Variants in ULK4 observed in about 807,000 individuals in gnomAD.
The protein encoded by ULK4 is inactive serine/threonine-protein kinase ULK4.
A neutral mutation model predicts 160.6 loss-of-function variants in ULK4; 133 were observed. The observed-to-expected ratio is 0.83, with a 90% confidence interval of 0.72 to 0.96. The LOEUF (loss-of-function observed/expected upper bound fraction) is 0.96. Among genes scored for constraint, ULK4 ranks in the 40% least tolerant of loss-of-function variants. The pLI, the probability that ULK4 is intolerant of heterozygous loss-of-function variation, is 0.00. For missense variants in ULK4, 1,580 were observed against 1,499.5 expected (o/e 1.05, Z -0.89); for synonymous variants, 534 against 539.8 (o/e 0.99, Z 0.15).
intron 17 of ULK4, among the ~76,000 whole-genome samples, chr3:41,862,990 G>A (rs2042538727): frequency 6.6e-6 from 1 of 151,694 alleles, no homozygotes; most frequent in Non-Finnish European, 1.5e-5. Flanking sequence ...CCCTAGGGCT[G>A]TACAATCAGC....
At chr3:41,956,466 A>G (rs1700489577) in intron 1 of ULK4, among the ~76,000 whole-genome samples, 1 of 152,080 alleles carries the variant, frequency 6.6e-6, no homozygotes, top group Non-Finnish European at 1.5e-5. Context: ...TGTGCTGGGC[A>G]TTTTGTCCAG....
intron 21 of ULK4, among the ~76,000 whole-genome samples, chr3:41,760,897 CA>C (rs56349363): frequency 0.18 from 27,404 of 152,130 alleles, 2,530 homozygotes; most frequent in Middle Eastern, 0.32. Flanking sequence ...GGTACATCCA[CA>C]TAATGAAACA....
intron 32 of ULK4, among the ~76,000 whole-genome samples, chr3:41,509,131 A>G (rs1187689939): frequency 6.6e-6 from 1 of 152,150 alleles, no homozygotes; most frequent in Non-Finnish European, 1.5e-5. Flanking sequence ...ATAAAAAACA[A>G]TCGCAACTTC....
At chr3:41,697,992 A>G (rs2036556379) in intron 27 of ULK4, among the ~76,000 whole-genome samples, 1 of 152,164 alleles carries the variant, frequency 6.6e-6, no homozygotes, top group Non-Finnish European at 1.5e-5. Flanking sequence ...TATTTTCACC[A>G]CATCTTTTAT....
At chr3:41,478,966 A>G (rs952372664) in intron 32 of ULK4, among the ~76,000 whole-genome samples, 12 of 152,368 alleles carry the variant, frequency 7.9e-5, no homozygotes, top group Non-Finnish European at 1.6e-4. Context: ...ATATATTCCA[A>G]TGCCCAGGAA....
At chr3:41,289,045 G>A (rs961667081) in intron 35 of ULK4, among the ~76,000 whole-genome samples, 1 of 152,148 alleles carries the variant, frequency 6.6e-6, no homozygotes, top group Non-Finnish European at 1.5e-5. Flanking sequence ...CACGGGGAGC[G>A]GCAGAGCAGC....
intron 1 of ULK4, among the ~76,000 whole-genome samples, chr3:41,960,060 A>T (rs774605494): frequency 3.3e-5 from 5 of 151,046 alleles, no homozygotes; most frequent in African/African-American, 4.9e-5. Flanking sequence ...TTTTTTTTTA[A>T]AGGAGGCTAG....
intron 32 of ULK4, among the ~76,000 whole-genome samples, chr3:41,551,097 A>G (rs1371599524): frequency 1.3e-4 from 20 of 151,326 alleles, no homozygotes; most frequent in Non-Finnish European, 1.5e-5. Flanking sequence ...ATGATAATTG[A>G]AATACAACAC....
chr3:41,484,598 GCC>G (rs1559638321), intron 32 of ULK4, among the ~76,000 whole-genome samples: 74 of 151,890 alleles, frequency 4.9e-4, no homozygotes, highest in African/African-American at 1.7e-3. Flanking sequence ...GACTACAGGC[GCC>G]CGCCACCACA....
chr3:41,506,775 T>TATATATAA (rs1559658148), intron 32 of ULK4, among the ~76,000 whole-genome samples: 5 of 17,622 alleles, frequency 2.8e-4, no homozygotes, highest in African/African-American at 5.6e-4. Flanking sequence ...AAAATATATA[T>TATATATAA]ATATATATAT....
In ULK4 at chr3:41,369,905, G is replaced by GA. The variant is rs368423960; in HGVS notation, c.3678+28173dup. Among the ~76,000 whole-genome samples the GA allele has an allele frequency of 8.1e-3, 1,175 of 144,656 alleles. 12 individuals are homozygous for GA. The highest frequency in any genetic ancestry group is 0.026 in the African/African-American group (1,043 of 40,000). The allele number at this position is 144,656 out of a possible 152,430, so 94.9% of individuals were successfully genotyped here. A position where few individuals can be genotyped will look rare whatever the true frequency, so the allele number is the denominator to read the frequency against. ...AAAACCTGCCCAGGCCAGGAAAAAAGAAAAAAAAAATCTATTTTGCCACCC... is the reference window on the plus strand; with the variant it reads ...AAAACCTGCCCAGGCCAGGAAAAAAGAAAAAAAAAAATCTATTTTGCCACCC... On this transcript the variant is annotated intron_variant, in intron 35 of 36. Transcript: ENST00000301831.
At chr3:41,643,671 G>A (rs1332590752) in intron 30 of ULK4, among the ~76,000 whole-genome samples, 2 of 152,036 alleles carry the variant, frequency 1.3e-5, no homozygotes, top group African/African-American at 4.8e-5. Flanking sequence ...ACTCGGTGAT[G>A]CAGGCTCTTT....
At chr3:41,602,251 A>AAAAGG (rs56277936) in intron 31 of ULK4, among the ~76,000 whole-genome samples, 7,344 of 86,528 alleles carry the variant, frequency 0.085, 499 homozygotes, top group Middle Eastern at 0.1. Context: ...AAGGAAGAGA[A>AAAAGG]AAAGGAAAGG....
intron 31 of ULK4, among the ~76,000 whole-genome samples, chr3:41,580,230 G>A (rs2030180908): frequency 6.6e-6 from 1 of 152,102 alleles, no homozygotes; most frequent in African/African-American, 2.4e-5. Flanking sequence ...CACAGAGGGG[G>A]TGCTGGTCTT....
chr3:41,883,314 C>T (rs1697589829), intron 17 of ULK4, among the ~76,000 whole-genome samples: 1 of 152,186 alleles, frequency 6.6e-6, no homozygotes, highest in Non-Finnish European at 1.5e-5. Flanking sequence ...ACAAAATCCC[C>T]TCTCCTTACC....
intron 4 of ULK4, among the ~76,000 whole-genome samples, chr3:41,935,239 T>TAA (rs1699734689): frequency 7.3e-5 from 6 of 82,582 alleles, no homozygotes; most frequent in African/African-American, 2.0e-4. Flanking sequence ...TTTTTTTTTT[T>TAA]TTTTTTGAGA....
intron 34 of ULK4, among the ~76,000 whole-genome samples, chr3:41,450,631 G>A (rs1049108835): frequency 1.1e-4 from 17 of 152,198 alleles, no homozygotes; most frequent in Non-Finnish European, 1.9e-4. Context: ...AACTGAAAGT[G>A]TGTTTATTTT....
chr3:41,846,742 T>A (rs1470572866), intron 17 of ULK4, among the ~76,000 whole-genome samples: 2 of 149,038 alleles, frequency 1.3e-5, no homozygotes, highest in Non-Finnish European at 3.0e-5. Context: ...GAGGGAGAGG[T>A]TGCAGCAAGC....
chr3:41,323,733 CAGACA>C, intron 35 of ULK4, among the ~76,000 whole-genome samples: 1 of 152,132 alleles, frequency 6.6e-6, no homozygotes, highest in African/African-American at 2.4e-5. Context: ...GAGTAAAAAG[CAGACA>C]CAGTGTAAGG....
Sources: allele counts gnomAD v4.1 joint callset (sites outside exome capture counted in the v4.1 genomes callset), GRCh38; gene constraint gnomAD v4.1.1; transcripts MANE v1.5; gene names NCBI Gene and HGNC (gene_info 2026-07-23, HGNC 2026-07-21).